Variants in IQCH observed in about 807,000 individuals in gnomAD.
IQCH encodes the protein IQ domain-containing protein H.
Under a neutral mutation model 117.0 loss-of-function variants are expected in IQCH, and 98 were observed. The ratio of observed to expected loss-of-function variants is 0.84; its 90% confidence interval spans 0.71 to 0.99. IQCH has a LOEUF of 0.99. Ranked by LOEUF, IQCH falls within the 50% of genes least tolerant of loss-of-function variation. IQCH has a pLI of 0.00. For missense variants in IQCH, 1,102 were observed against 1,243.8 expected (o/e 0.89, Z 1.72); for synonymous variants, 412 against 448.2 (o/e 0.92, Z 1.02).
chr15:67,500,755 T>G lies in IQCH; in HGVS notation c.*9T>G. The G allele has an allele frequency of 7.1e-7, 1 of 1,400,938 alleles. No individual in the cohort carries two copies. Among genetic ancestry groups the G allele is most frequent in the Non-Finnish European group, 1.0e-6 (1 of 1,003,744 alleles). 86.8% of individuals were successfully genotyped at this position (1,400,938 alleles called of 1,614,324 possible). A position where few individuals can be genotyped will look rare whatever the true frequency, so the allele number is the denominator to read the frequency against. On this transcript the variant is annotated 3_prime_UTR_variant, in exon 21 of 21. Transcript: ENST00000335894. This position sits in a 1 kb window ranked among gnomAD's most constrained non-coding sequence, Gnocchi z 4.4. ...CTAAACCCAAGAAATGATCCTGGAATACAGTACATAACAATTTGGATCCCA... is the reference window on the plus strand; with the variant it reads ...CTAAACCCAAGAAATGATCCTGGAAGACAGTACATAACAATTTGGATCCCA...
chr15:67,358,202 C>CT (rs1555462676), intron 7 of IQCH, among the ~76,000 whole-genome samples: 1 of 5,972 alleles, frequency 1.7e-4, no homozygotes, highest in Admixed American at 2.4e-3. Flanking sequence ...GAGGCACTTT[C>CT]TTTTCTTTTT....
Position 67,474,403 on chromosome 15 carries a change from G to C in IQCH, c.2677-1293G>C, listed in dbSNP as rs1055759540. On this transcript the variant is annotated intron_variant, in intron 17 of 20. Coordinates refer to ENST00000335894, the MANE Select transcript of IQCH (RefSeq NM_001031715.3). This position sits in a 1 kb window ranked among gnomAD's most constrained non-coding sequence, Gnocchi z 4.1. ...TCTTCTATGCCCTAAGGTTGGCCAT[G>C]GCCCTATATGCAGTTCTCCAAATTT... 6.6e-6 allele frequency among the ~76,000 whole-genome samples: 1 copy of C among 152,088 alleles called. No homozygotes were observed. The highest frequency in any genetic ancestry group is 2.4e-5 in the African/African-American group (1 of 41,420).
At chr15:67,341,998 C>T (rs1236749057) in intron 5 of IQCH, among the ~76,000 whole-genome samples, 1 of 151,938 alleles carries the variant, frequency 6.6e-6, no homozygotes, top group Non-Finnish European at 1.5e-5. Flanking sequence ...ACACCTGGCA[C>T]AGTGGCTCAC....
chr15:67,416,083 T>C lies in IQCH; in HGVS notation c.2098-848T>C, dbSNP rs1348813023. On this transcript the variant is annotated intron_variant, in intron 14 of 20. Coordinates refer to ENST00000335894, the MANE Select transcript of IQCH (RefSeq NM_001031715.3). The surrounding 1 kb of genome is among the most constrained non-coding windows in gnomAD (Gnocchi z 5.1). ...GTCTCAAAAAATTTTTTTTAAAAAT[T>C]AAAAAATATATGGAGGTGTCCAGGT... 6.6e-6 allele frequency among the ~76,000 whole-genome samples: 1 copy of C among 151,774 alleles called. No individual in the cohort carries two copies. The highest frequency in any genetic ancestry group is 1.9e-4 in the East Asian group (1 of 5,134).
chr15:67,416,881 T>G lies in IQCH; in HGVS notation c.2098-50T>G, dbSNP rs574164164. 1.4e-5 allele frequency: 21 copies of G among 1,497,860 alleles called. No homozygotes were observed. In the African/African-American group the frequency reaches 2.7e-4, roughly 19 times the overall value. 92.8% of individuals were successfully genotyped at this position (1,497,860 alleles called of 1,614,324 possible). ...TTTTTAATCACTCCACAAGCAGTTT[T>G]CATTTCTGTAGTAAAATTGCTTGTG... On this transcript the variant is annotated intron_variant, in intron 14 of 20. Coordinates refer to ENST00000335894, the MANE Select transcript of IQCH (RefSeq NM_001031715.3). The surrounding 1 kb of genome is among the most constrained non-coding windows in gnomAD (Gnocchi z 5.1).
At chr15:67,402,635 C>T (rs570148136) in intron 14 of IQCH, among the ~76,000 whole-genome samples, 1 of 152,214 alleles carries the variant, frequency 6.6e-6, no homozygotes, top group South Asian at 2.1e-4. Context: ...CATATGCTGG[C>T]AGGTTATTAA....
intron 3 of IQCH, among the ~76,000 whole-genome samples, chr15:67,279,098 G>T (rs755165021): frequency 1.3e-5 from 2 of 152,032 alleles, no homozygotes; most frequent in Admixed American, 1.3e-4. Flanking sequence ...CTTTTACCAA[G>T]AATGTTTTAT....
intron 15 of IQCH, 49 bp from the exon 16 acceptor site, chr15:67,421,242 C>A: frequency 6.6e-7 from 1 of 1,523,486 alleles, no homozygotes; most frequent in Non-Finnish European, 9.0e-7. Flanking sequence ...GAGCCCAAGT[C>A]AAACAAAATG....
intron 10 of IQCH, 138 bp downstream of exon 10, chr15:67,373,571 T>TA (rs1226171624): frequency 2.8e-6 from 2 of 715,986 alleles, no homozygotes; most frequent in African/African-American, 3.5e-5. Flanking sequence ...ATGATGAGAG[T>TA]AATAACACAG....
intron 4 of IQCH, among the ~76,000 whole-genome samples, chr15:67,302,937 A>C (rs1967120575): frequency 6.6e-6 from 1 of 152,204 alleles, no homozygotes; most frequent in Non-Finnish European, 1.5e-5. Flanking sequence ...TAAAGACCTT[A>C]CCTAAACGTA....
At chr15:67,270,742 G>A (rs1489671109) in intron 3 of IQCH, among the ~76,000 whole-genome samples, 2 of 152,140 alleles carry the variant, frequency 1.3e-5, no homozygotes, top group Non-Finnish European at 2.9e-5. Flanking sequence ...CTAGCACTAT[G>A]TTTCTTTTAC....
intron 4 of IQCH, among the ~76,000 whole-genome samples, chr15:67,298,321 AG>A (rs1966873214): frequency 1.3e-5 from 2 of 151,272 alleles, no homozygotes; most frequent in South Asian, 2.1e-4. Context: ...AAAAAAAAAA[AG>A]ATCTGAATTG....
Position 67,497,127 on chromosome 15 carries a change from G to A in IQCH, c.2970+2761G>A, listed in dbSNP as rs183597994. Among the ~76,000 whole-genome samples, 672 of 151,778 alleles carry A rather than the reference G, an allele frequency of 4.4e-3. 7 individuals are homozygous for A. Among genetic ancestry groups the A allele is most frequent in the African/African-American group, 0.016 (647 of 41,368 alleles). ...GAAGCAAGAGGACTGCTTGAACCCAGGAGTTTGAAACCAGCCTAGGCAACA... is the reference window on the plus strand; with the variant it reads ...GAAGCAAGAGGACTGCTTGAACCCAAGAGTTTGAAACCAGCCTAGGCAACA... On this transcript the variant is annotated intron_variant, in intron 20 of 20. Coordinates refer to ENST00000335894, the MANE Select transcript of IQCH (RefSeq NM_001031715.3).
Position 67,422,648 on chromosome 15 carries a change from T to C in IQCH, c.2505+1071T>C, listed in dbSNP as rs1212158903. On this transcript the variant is annotated intron_variant, in intron 16 of 20. Coordinates refer to ENST00000335894, the MANE Select transcript of IQCH (RefSeq NM_001031715.3). This position sits in a 1 kb window ranked among gnomAD's most constrained non-coding sequence, Gnocchi z 4.7. Reference sequence around the variant, plus strand: ...TTTGTAGATCATAACATTCTATCTATTATTATTTTACTGTATGCTTTTGTT... The same window carrying C: ...TTTGTAGATCATAACATTCTATCTACTATTATTTTACTGTATGCTTTTGTT... 1.3e-5 allele frequency among the ~76,000 whole-genome samples: 2 copies of C among 152,244 alleles called. No homozygotes were observed. The highest frequency in any genetic ancestry group is 4.8e-5 in the African/African-American group (2 of 41,456).
chr15:67,283,369 T>C (rs916040883), intron 4 of IQCH, among the ~76,000 whole-genome samples: 2 of 152,206 alleles, frequency 1.3e-5, no homozygotes, highest in African/African-American at 4.8e-5. Flanking sequence ...TTGCTTTTAC[T>C]GAAACAGATA....
Position 67,454,412 on chromosome 15 carries a change from C to T in IQCH, c.2506-10715C>T, listed in dbSNP as rs374059728. Among the ~76,000 whole-genome samples the T allele has an allele frequency of 1.3e-5, 2 of 152,326 alleles. No individual in the cohort carries two copies. The highest frequency in any genetic ancestry group is 2.1e-4 in the South Asian group (1 of 4,826). On this transcript the variant is annotated intron_variant, in intron 16 of 20. Transcript: ENST00000335894. The surrounding 1 kb of genome is among the most constrained non-coding windows in gnomAD (Gnocchi z 5.2). ...GACCTTGTGATCCGCCCGCCTCGGCCTCCCAAAGTATTCAAAATTCACACT... is the reference window on the plus strand; with the variant it reads ...GACCTTGTGATCCGCCCGCCTCGGCTTCCCAAAGTATTCAAAATTCACACT...
At chr15:67,256,340 T>C (rs1338270059) in intron 1 of IQCH, among the ~76,000 whole-genome samples, 1 of 152,166 alleles carries the variant, frequency 6.6e-6, no homozygotes. Context: ...ATCTGAGGCT[T>C]TGATGTCCAG....
rs192402721 is a variant in IQCH at position 67,416,307 on chromosome 15, C to T, written c.2098-624C>T. ...CCGAGGCGGGCGGATCACCTGAGGT[C>T]GGGAGTTTGAGACCAGCCTGACCAA... On this transcript the variant is annotated intron_variant, in intron 14 of 20. Coordinates refer to ENST00000335894, the MANE Select transcript of IQCH (RefSeq NM_001031715.3). This position sits in a 1 kb window ranked among gnomAD's most constrained non-coding sequence, Gnocchi z 5.1. 3.9e-5 allele frequency among the ~76,000 whole-genome samples: 6 copies of T among 152,028 alleles called. No homozygotes were observed. In the South Asian group the frequency reaches 8.3e-4, roughly 21 times the overall value.
At chr15:67,333,017 A>T (rs1596199790) in intron 4 of IQCH, among the ~76,000 whole-genome samples, 1 of 152,124 alleles carries the variant, frequency 6.6e-6, no homozygotes, top group African/African-American at 2.4e-5. Context: ...TCTGGTGAGG[A>T]CCTGTTTCCT....
Sources: allele counts gnomAD v4.1 joint callset (sites outside exome capture counted in the v4.1 genomes callset), GRCh38; gene constraint gnomAD v4.1.1; non-coding constraint Gnocchi (gnomAD v3.1); transcripts MANE v1.5; gene names NCBI Gene and HGNC (gene_info 2026-07-23, HGNC 2026-07-21).